Variants in ARHGEF10 observed in about 807,000 individuals in gnomAD.
ARHGEF10 encodes Rho guanine nucleotide exchange factor (GEF) 10.
ARHGEF10 carries 140 observed loss-of-function variants against 147.4 expected under a neutral mutation model. The ratio of observed to expected loss-of-function variants is 0.95; its 90% CI spans 0.83 to 1.09. The LOEUF is 1.09. Among genes scored for constraint, ARHGEF10 ranks in the 50% least tolerant of loss-of-function variants. ARHGEF10 has a pLI of 0.00. For synonymous variants in ARHGEF10, 902 were observed against 695.8 expected (o/e 1.30, Z -4.67); for missense variants, 2,222 against 1,752.7 (o/e 1.27, Z -4.78).
chr8:1,833,192 A>AGGC lies in ARHGEF10; in HGVS notation c.-48+9079_-48+9080insGGC, dbSNP rs1803350540. Among the ~76,000 whole-genome samples, 3 of 47,246 alleles carry AGGC rather than the reference A, an allele frequency of 6.3e-5. 1 individual carries two copies. Among genetic ancestry groups the AGGC allele is most frequent in the South Asian group, 1.4e-3 (2 of 1,424 alleles). 31.0% of individuals were successfully genotyped at this position (47,246 alleles called of 152,430 possible). On this transcript the variant is annotated intron_variant, in intron 1 of 28. Coordinates refer to ENST00000349830, the MANE Select transcript of ARHGEF10 (RefSeq NM_014629.4). ...CAGAAGCAGAGGGAGGCAGAGACAG[A>AGGC]AGCAGAGACAGAGGCAGAGGCAGAA...
chr8:1,915,072 G>C (rs1811655161), intron 18 of ARHGEF10, among the ~76,000 whole-genome samples: 1 of 152,066 alleles, frequency 6.6e-6, no homozygotes, highest in Non-Finnish European at 1.5e-5. Flanking sequence ...TCTGTGTCCT[G>C]TGCCCCTGTG....
At chr8:1,830,526 A>AC (rs1803031428) in intron 1 of ARHGEF10, among the ~76,000 whole-genome samples, 1 of 152,152 alleles carries the variant, frequency 6.6e-6, no homozygotes, top group Non-Finnish European at 1.5e-5. Flanking sequence ...AAGAAAATCT[A>AC]CCTGTGGCCA....
At chr8:1,860,456 C>CCCT (rs1280069477) in intron 4 of ARHGEF10, among the ~76,000 whole-genome samples, 13 of 139,388 alleles carry the variant, frequency 9.3e-5, no homozygotes, top group African/African-American at 3.7e-4. Flanking sequence ...GCCTGACCTT[C>CCCT]CCTCCTCCTC....
chr8:1,925,532 T>C (rs2129217584), intron 22 of ARHGEF10, 128 bp downstream of exon 22: 1 of 1,295,620 alleles, frequency 7.7e-7, no homozygotes. Context: ...CAGTGACCGC[T>C]TCTCTAGAGG....
intron 27 of ARHGEF10, among the ~76,000 whole-genome samples, chr8:1,950,973 C>T (rs759462335): frequency 3.3e-5 from 5 of 152,138 alleles, no homozygotes; most frequent in African/African-American, 9.7e-5. Flanking sequence ...CAGCCTTGCC[C>T]GGCACGCAGG....
intron 7 of ARHGEF10, chr8:1,871,139 T>C (rs927184803): frequency 1.9e-3 from 230 of 119,252 alleles, no homozygotes; most frequent in African/African-American, 6.2e-3. Flanking sequence ...AAAAAATCAG[T>C]AAACCATAAA....
intron 17 of ARHGEF10, 101 bp downstream of exon 17, chr8:1,905,817 C>T: frequency 6.7e-7 from 1 of 1,501,004 alleles, no homozygotes; most frequent in Admixed American, 1.7e-5. Context: ...TCAGACTGAA[C>T]TGGTTTTTTG....
At chr8:1,858,483 A>T (rs1485323758) in intron 3 of ARHGEF10, among the ~76,000 whole-genome samples, 6 of 152,190 alleles carry the variant, frequency 3.9e-5, no homozygotes, top group Non-Finnish European at 7.3e-5. Flanking sequence ...CATAATTTTC[A>T]ACCTTTTCAC....
At chr8:1,847,589 G>T (rs1419924598) in intron 2 of ARHGEF10, among the ~76,000 whole-genome samples, 1 of 151,938 alleles carries the variant, frequency 6.6e-6, no homozygotes, top group Non-Finnish European at 1.5e-5. Context: ...GGGCAGCTTT[G>T]TTTCTGGGGG....
intron 26 of ARHGEF10, among the ~76,000 whole-genome samples, chr8:1,939,681 A>G (rs530965346): frequency 6.6e-6 from 1 of 152,324 alleles, no homozygotes; most frequent in East Asian, 1.9e-4. Flanking sequence ...CCGGGATGCC[A>G]CCTCAGAGAG....
intron 1 of ARHGEF10, among the ~76,000 whole-genome samples, chr8:1,825,425 C>G (rs2129028172): frequency 8.2e-6 from 1 of 121,386 alleles, no homozygotes; most frequent in East Asian, 2.4e-4. Context: ...CACCTGTCCT[C>G]TGCACCTCAC....
rs1216068496 is a variant in ARHGEF10 at position 1,895,395 on chromosome 8, TATA to T, written c.1440+833_1440+835del. 2.6e-5 allele frequency among the ~76,000 whole-genome samples: 4 copies of T among 152,378 alleles called. No individual in the cohort carries two copies. In the East Asian group the frequency reaches 7.7e-4, roughly 29 times the overall value. On this transcript the variant is annotated intron_variant, in intron 13 of 28. Transcript: ENST00000349830. ...AGTGTTCCTCTTCTTAAATGAATGTTATAATAATAATACGTGAAATGTTTTCCT... is the reference window on the plus strand; with the variant it reads ...AGTGTTCCTCTTCTTAAATGAATGTTATAATAATACGTGAAATGTTTTCCT...
Position 1,827,378 on chromosome 8 carries a change from G to A in ARHGEF10, c.-48+3265G>A, listed in dbSNP as rs537637414. On this transcript the variant is annotated intron_variant, in intron 1 of 28. Coordinates refer to ENST00000349830, the MANE Select transcript of ARHGEF10 (RefSeq NM_014629.4). ...AGGCTGGAGTGCAGTGGAGAGATTC[G>A]GCTTGCTGCAGTCTTTGCTTCCCAG... Among the ~76,000 whole-genome samples, 5 of 152,132 alleles carry A rather than the reference G, an allele frequency of 3.3e-5. No individual in the cohort carries two copies. The East Asian group carries it at 7.7e-4, about 23-fold the overall frequency.
At chr8:1,928,753 T>C (rs1812882915) in intron 24 of ARHGEF10, 103 bp downstream of exon 24, 1 of 1,337,046 alleles carries the variant, frequency 7.5e-7, no homozygotes, top group Non-Finnish European at 1.0e-6. Context: ...GACTCAGGAG[T>C]AGCCCGTGCA....
chr8:1,825,328 C>T (rs1585185795), intron 1 of ARHGEF10, among the ~76,000 whole-genome samples: 1 of 22,274 alleles, frequency 4.5e-5, no homozygotes. Context: ...CCGCACCCCA[C>T]CTGTCCTCGC....
chr8:1,847,646 C>T (rs1804663397), intron 2 of ARHGEF10, among the ~76,000 whole-genome samples: 1 of 152,152 alleles, frequency 6.6e-6, no homozygotes, highest in Admixed American at 6.5e-5. Flanking sequence ...AGGCCTCCTT[C>T]AGCACAAGCA....
At chr8:1,837,010 T>G (rs1803625522) in intron 1 of ARHGEF10, among the ~76,000 whole-genome samples, 1 of 152,226 alleles carries the variant, frequency 6.6e-6, no homozygotes. Flanking sequence ...ATTAAAGCTC[T>G]TTTTGTTTCC....
intron 26 of ARHGEF10, among the ~76,000 whole-genome samples, chr8:1,936,043 A>G (rs991682899): frequency 1.3e-5 from 2 of 152,320 alleles, no homozygotes; most frequent in African/African-American, 4.8e-5. Flanking sequence ...GGAAAAGGCT[A>G]CATACTTCCC....
chr8:1,878,420 C>G (rs952786907), intron 8 of ARHGEF10, among the ~76,000 whole-genome samples: 7 of 152,080 alleles, frequency 4.6e-5, no homozygotes, highest in African/African-American at 1.7e-4. Flanking sequence ...CTCCTGACCT[C>G]GTGATCTGCC....
Sources: allele counts gnomAD v4.1 joint callset (sites outside exome capture counted in the v4.1 genomes callset), GRCh38; gene constraint gnomAD v4.1.1; transcripts MANE v1.5; gene names NCBI Gene and HGNC (gene_info 2026-07-23, HGNC 2026-07-21).